Variants in STX18 observed in about 807,000 individuals in gnomAD.
STX18 encodes syntaxin 18.
A neutral mutation model predicts 50.1 loss-of-function variants in STX18; 40 were observed. The observed-to-expected ratio is 0.80, with a 90% CI of 0.62 to 1.04. STX18 has a LOEUF of 1.04. Among genes scored for constraint, STX18 ranks in the 50% least tolerant of loss-of-function variants. The probability of loss-of-function intolerance (pLI) is 0.00; values close to 1 mark genes in which losing one functional copy is unlikely to be tolerated. For synonymous variants in STX18, 158 were observed against 151.8 expected (o/e 1.04, Z -0.30); for missense variants, 410 against 415.8 (o/e 0.99, Z 0.12).
intron 5 of STX18, among the ~76,000 whole-genome samples, chr4:4,452,773 T>A (rs1482065273): frequency 6.6e-6 from 1 of 152,204 alleles, no homozygotes; most frequent in East Asian, 1.9e-4. Context: ...CTGGGTAAAG[T>A]AAATTGAAAA....
At position 4,419,862 on chromosome 4, in the gene STX18, C is replaced by T; in HGVS notation, c.*172G>A. The T allele has an allele frequency of 1.7e-6, 1 of 604,030 alleles. No homozygotes were observed. Among genetic ancestry groups the T allele is most frequent in the South Asian group, 2.0e-5 (1 of 49,396 alleles). 37.4% of individuals were successfully genotyped at this position (604,030 alleles called of 1,614,324 possible). ...CAGCTGCTAAATGGCTGAACACCAT[C>T]GGCCTGGGGTATCCCTTTTTGGGGA... On this transcript the variant is annotated 3_prime_UTR_variant, in exon 11 of 11. Coordinates refer to ENST00000306200, the MANE Select transcript of STX18 (RefSeq NM_016930.4).
chr4:4,541,705 T>C (rs1344612891), intron 1 of STX18, 92 bp downstream of exon 1: 83 of 1,445,592 alleles, frequency 5.7e-5, no homozygotes, highest in Non-Finnish European at 7.7e-5. Context: ...CTTCACACAA[T>C]GCTTACGGGA....
intron 1 of STX18, among the ~76,000 whole-genome samples, chr4:4,540,422 T>C (rs1011447981): frequency 1.3e-5 from 2 of 152,238 alleles, no homozygotes; most frequent in Non-Finnish European, 2.9e-5. Context: ...AACCAACTTA[T>C]GTCAGACTGT....
chr4:4,515,449 G>T (rs897777494), intron 1 of STX18, among the ~76,000 whole-genome samples: 17 of 152,058 alleles, frequency 1.1e-4, no homozygotes, highest in African/African-American at 4.1e-4. Flanking sequence ...ACTTTGAACT[G>T]GCTGTGGTGG....
chr4:4,471,022 G>T (rs563497772), intron 2 of STX18, among the ~76,000 whole-genome samples: 1 of 152,202 alleles, frequency 6.6e-6, no homozygotes, highest in African/African-American at 2.4e-5. Context: ...TAACATTAGG[G>T]GATGAACAGA....
At chr4:4,472,932 C>T (rs1313548307) in intron 1 of STX18, among the ~76,000 whole-genome samples, 1 of 152,148 alleles carries the variant, frequency 6.6e-6, no homozygotes, top group Non-Finnish European at 1.5e-5. Flanking sequence ...CACCCTAAGG[C>T]ATTGTAAGCA....
intron 5 of STX18, among the ~76,000 whole-genome samples, chr4:4,442,841 A>G (rs1050838070): frequency 2.0e-5 from 3 of 151,862 alleles, no homozygotes; most frequent in African/African-American, 7.3e-5. Context: ...TAGGTAAAGC[A>G]GACAGAGAAA....
At chr4:4,510,354 T>A (rs112298936) in intron 1 of STX18, among the ~76,000 whole-genome samples, 1 of 152,198 alleles carries the variant, frequency 6.6e-6, no homozygotes, top group Non-Finnish European at 1.5e-5. Flanking sequence ...ATATAAGTAA[T>A]CTTAAATCTG....
rs1553851958 is a variant in STX18 at position 4,527,867 on chromosome 4, C to CAT, written c.168+13928_168+13929dup. ...ATATATATATACACACACACACACA[C>CAT]ATATATATATATATTAAAAACTACC... On this transcript the variant is annotated intron_variant, in intron 1 of 10. Transcript: ENST00000306200. Among the ~76,000 whole-genome samples the CAT allele has an allele frequency of 3.7e-3, 503 of 137,198 alleles. 2 individuals are homozygous for CAT. The highest frequency in any genetic ancestry group is 0.02 in the Middle Eastern group (5 of 246). The allele number at this position is 137,198 out of a possible 152,430, so 90.0% of individuals were successfully genotyped here.
At chr4:4,542,233 C>A (rs1225567159), upstream of STX18, 7 of 389,328 alleles carry the variant, frequency 1.8e-5, no homozygotes, top group East Asian at 3.0e-4. Context: ...GGTTTAGCTG[C>A]GCGGAGAGCT....
rs773885817 is a variant in STX18 at position 4,457,493 on chromosome 4, C to A, written c.360G>T (p.Lys120Asn). Residue 120 changes from lysine to asparagine, a missense_variant, in exon 4 of 11, where the codon AAG (lysine) becomes AAT (asparagine). Coordinates refer to ENST00000306200, the MANE Select transcript of STX18 (RefSeq NM_016930.4). Reference protein sequence around the residue: ...AIQQLRTEAHKEIHSQQVKEH... With the variant: ...AIQQLRTEAHNEIHSQQVKEH... ...CCTTCACTTGCTGGGAATGTATCTC[C>A]TTGTGAGCTGTAACAGAAAAAGACA... 9.3e-6 allele frequency: 15 copies of A among 1,613,678 alleles called. No individual in the cohort carries two copies. Among genetic ancestry groups the A allele is most frequent in the Non-Finnish European group, 1.1e-5 (13 of 1,179,782 alleles).
intron 1 of STX18, chr4:4,477,846 T>C (rs1329318898): frequency 5.3e-5 from 8 of 152,214 alleles, no homozygotes; most frequent in East Asian, 1.9e-4. Context: ...CAACATGCAG[T>C]ACATGCTTGA....
At chr4:4,531,152 TACACAC>T (rs142048912) in intron 1 of STX18, among the ~76,000 whole-genome samples, 197 of 149,676 alleles carry the variant, frequency 1.3e-3, no homozygotes, top group African/African-American at 4.6e-3. Flanking sequence ...GGATAAAATT[TACACAC>T]ACACACACAC....
At chr4:4,488,781 AGGGGAG>A (rs1179549120) in intron 1 of STX18, among the ~76,000 whole-genome samples, 1 of 152,198 alleles carries the variant, frequency 6.6e-6, no homozygotes. Flanking sequence ...TATCTAAACA[AGGGGAG>A]GGGGTGGCCC....
In STX18 at chr4:4,420,785, T is replaced by C. The variant is rs576558679; in HGVS notation, c.912+79A>G. The C allele has an allele frequency of 3.1e-6, 4 of 1,303,108 alleles. No individual in the cohort carries two copies. Among genetic ancestry groups the C allele is most frequent in the African/African-American group, 2.9e-5 (2 of 68,832 alleles). The allele number at this position is 1,303,108 out of a possible 1,614,324, so 80.7% of individuals were successfully genotyped here. A position where few individuals can be genotyped will look rare whatever the true frequency, so the allele number is the denominator to read the frequency against. ...CTGCCCAGCAAGGCTCCTGGGCAGC[T>C]GTGCCGGCGAGACTAACACCCGCTG... On this transcript the variant is annotated intron_variant, in intron 10 of 10. Transcript: ENST00000306200. This position sits in a 1 kb window ranked among gnomAD's most constrained non-coding sequence, Gnocchi z 4.3.
chr4:4,484,097 C>T (rs183709671), intron 1 of STX18, among the ~76,000 whole-genome samples: 44 of 152,192 alleles, frequency 2.9e-4, no homozygotes, highest in African/African-American at 9.2e-4. Context: ...CTCCTGACCT[C>T]GTGATCCGCC....
intron 1 of STX18, among the ~76,000 whole-genome samples, chr4:4,517,761 A>G (rs1730340262): frequency 6.6e-6 from 1 of 151,702 alleles, no homozygotes; most frequent in African/African-American, 2.4e-5. Flanking sequence ...CATTCCCTTT[A>G]TAAGTGTTTT....
At chr4:4,435,425 T>C (rs926482637) in intron 6 of STX18, among the ~76,000 whole-genome samples, 1 of 152,230 alleles carries the variant, frequency 6.6e-6, no homozygotes, top group Non-Finnish European at 1.5e-5. Context: ...TGTCTACCCA[T>C]GAAATTCAAG....
At chr4:4,435,659 T>C (rs1451554693) in intron 6 of STX18, among the ~76,000 whole-genome samples, 1 of 152,248 alleles carries the variant, frequency 6.6e-6, no homozygotes, top group Non-Finnish European at 1.5e-5. Context: ...GACTGTTCAC[T>C]GGTGTCATGG....
Sources: allele counts gnomAD v4.1 joint callset (sites outside exome capture counted in the v4.1 genomes callset), GRCh38; gene constraint gnomAD v4.1.1; non-coding constraint Gnocchi (gnomAD v3.1); transcripts MANE v1.5; gene names NCBI Gene and HGNC (gene_info 2026-07-23, HGNC 2026-07-21).